Variants in SLC24A2 observed in about 807,000 individuals in gnomAD.
The protein encoded by SLC24A2 is sodium/potassium/calcium exchanger 2.
A neutral mutation model predicts 62.0 loss-of-function variants in SLC24A2; 36 were observed. The observed-to-expected ratio is 0.58, with a 90% CI of 0.44 to 0.77. The LOEUF (loss-of-function observed/expected upper bound fraction) is 0.77, where lower values mean the gene tolerates loss of function less well. Among genes scored for constraint, SLC24A2 ranks in the 30% least tolerant of loss-of-function variants. SLC24A2 has a pLI of 0.00. For synonymous variants in SLC24A2, 358 were observed against 294.0 expected (o/e 1.22, Z -2.23); for missense variants, 846 against 817.9 (o/e 1.03, Z -0.42).
chr9:19,635,242 T>TA (rs1404079390), intron 2 of SLC24A2, among the ~76,000 whole-genome samples: 1 of 152,220 alleles, frequency 6.6e-6, no homozygotes, highest in Non-Finnish European at 1.5e-5. Context: ...TTGTTGGAAT[T>TA]AAAAATCTGT....
the SLC24A2 span, among the ~76,000 whole-genome samples, chr9:19,955,189 A>G: frequency 6.6e-6 from 1 of 152,154 alleles, no homozygotes. Flanking sequence ...GTGGTGGCAC[A>G]TAACATAATG....
the SLC24A2 span, among the ~76,000 whole-genome samples, chr9:20,193,431 C>T: frequency 3.6e-4 from 54 of 151,964 alleles, no homozygotes; most frequent in African/African-American, 1.3e-3. Context: ...AAGCTCACAC[C>T]ACCCAAAAGA....
At chr9:20,235,887 C>CT in the SLC24A2 span, among the ~76,000 whole-genome samples, 1 of 152,000 alleles carries the variant, frequency 6.6e-6, no homozygotes, top group African/African-American at 2.4e-5. Flanking sequence ...CTATTTCTTT[C>CT]TTTTTTTAAA....
intron 2 of SLC24A2, among the ~76,000 whole-genome samples, chr9:19,777,486 T>C (rs752489189): frequency 6.6e-6 from 1 of 152,160 alleles, no homozygotes; most frequent in Non-Finnish European, 1.5e-5. Context: ...TTTTATAATG[T>C]TAAATATTGC....
chr9:20,008,738 A>G, the SLC24A2 span, among the ~76,000 whole-genome samples: 1 of 152,278 alleles, frequency 6.6e-6, no homozygotes, highest in African/African-American at 2.4e-5. Flanking sequence ...CCCAAATTCC[A>G]AATTCCAGAG....
chr9:19,589,853 G>C (rs1836498062), intron 5 of SLC24A2, among the ~76,000 whole-genome samples: 1 of 152,078 alleles, frequency 6.6e-6, no homozygotes, highest in South Asian at 2.1e-4. Context: ...ACAGAATCTT[G>C]AGCATTGCAA....
intron 10 of SLC24A2, among the ~76,000 whole-genome samples, chr9:19,519,023 A>G (rs534399533): frequency 6.6e-6 from 1 of 152,318 alleles, no homozygotes; most frequent in African/African-American, 2.4e-5. Flanking sequence ...ATGTTGATCA[A>G]AACTCCCATA....
At chr9:19,941,737 A>C in the SLC24A2 span, among the ~76,000 whole-genome samples, 12 of 152,256 alleles carry the variant, frequency 7.9e-5, no homozygotes, top group South Asian at 2.3e-3. Context: ...TTTTTAATAA[A>C]ATTACTAGAG....
the SLC24A2 span, among the ~76,000 whole-genome samples, chr9:20,000,589 G>C: frequency 6.6e-6 from 1 of 152,168 alleles, no homozygotes; most frequent in African/African-American, 2.4e-5. Context: ...TGCTGTAGGA[G>C]CTCAGTGAAG....
At chr9:20,132,302 A>G in the SLC24A2 span, among the ~76,000 whole-genome samples, 1 of 152,114 alleles carries the variant, frequency 6.6e-6, no homozygotes, top group Non-Finnish European at 1.5e-5. Context: ...TTGCTGCAAG[A>G]GTTGCTGATG....
At chr9:19,981,397 T>C in the SLC24A2 span, among the ~76,000 whole-genome samples, 625 of 152,306 alleles carry the variant, frequency 4.1e-3, 1 homozygote, top group Non-Finnish European at 7.3e-3. Flanking sequence ...ATTTAATTTA[T>C]TTTGTAAAAG....
the SLC24A2 span, among the ~76,000 whole-genome samples, chr9:20,123,421 C>G: frequency 6.6e-6 from 1 of 152,180 alleles, no homozygotes; most frequent in Non-Finnish European, 1.5e-5. Flanking sequence ...AATATTTTCT[C>G]TACTTTTCAA....
At chr9:19,965,360 A>G in the SLC24A2 span, among the ~76,000 whole-genome samples, 571 of 152,278 alleles carry the variant, frequency 3.7e-3, 2 homozygotes, top group African/African-American at 0.013. Flanking sequence ...ACTGAGGAGA[A>G]GTCTGAGTGG....
intron 2 of SLC24A2, among the ~76,000 whole-genome samples, chr9:19,737,215 T>G (rs929350232): frequency 6.6e-6 from 1 of 152,220 alleles, no homozygotes; most frequent in African/African-American, 2.4e-5. Flanking sequence ...CATATCTGAA[T>G]GTGTTAATTT....
intron 9 of SLC24A2, among the ~76,000 whole-genome samples, chr9:19,525,723 A>G (rs1833417013): frequency 7.0e-6 from 1 of 142,302 alleles, no homozygotes; most frequent in Non-Finnish European, 1.5e-5. Context: ...TTACAAATGT[A>G]TGCAGCCATG....
rs1215602995 is a variant in SLC24A2, at chr9:19,514,064, T to G, written c.*2089A>C. ...AGAGACTTGAAAGCCAGCCTCCGAC[T>G]GGCAGCCATCTTGATTTCTTGTTTT... On this transcript the variant is annotated 3_prime_UTR_variant, in exon 11 of 11. Coordinates refer to ENST00000341998, the MANE Select transcript of SLC24A2 (RefSeq NM_020344.4). The G allele has an allele frequency of 6.6e-6, 1 of 152,246 alleles. No individual in the cohort carries two copies. The highest frequency in any genetic ancestry group is 2.4e-5 in the African/African-American group (1 of 41,468). 9.4% of individuals were successfully genotyped at this position (152,246 alleles called of 1,614,324 possible).
intron 8 of SLC24A2, 58 bp from the exon 9 acceptor site, chr9:19,528,196 GAAATCCA>G: frequency 8.7e-7 from 1 of 1,150,606 alleles, no homozygotes; most frequent in Non-Finnish European, 1.3e-6. Context: ...GACTGATCTG[GAAATCCA>G]AAGCTAAAGC....
the SLC24A2 span, among the ~76,000 whole-genome samples, chr9:19,852,366 T>C: frequency 6.6e-6 from 1 of 152,248 alleles, no homozygotes; most frequent in Non-Finnish European, 1.5e-5. Context: ...GCAATTGCTT[T>C]GGACATTTTT....
intron 5 of SLC24A2, among the ~76,000 whole-genome samples, chr9:19,584,294 C>CAAAAAAAAAAAAAAAAAAAAA (rs1563982341): frequency 1.1e-5 from 1 of 92,380 alleles, no homozygotes; most frequent in Non-Finnish European, 2.2e-5. Flanking sequence ...AAAAAAAAAA[C>CAAAAAAAAAAAAAAAAAAAAA]AAACAAAAAA....
Sources: allele counts gnomAD v4.1 joint callset (sites outside exome capture counted in the v4.1 genomes callset), GRCh38; gene constraint gnomAD v4.1.1; transcripts MANE v1.5; gene names NCBI Gene and HGNC (gene_info 2026-07-23, HGNC 2026-07-21).